Variants in TNFAIP8L1 observed in about 807,000 individuals in gnomAD.
TNFAIP8L1 encodes the protein tumor necrosis factor alpha-induced protein 8-like protein 1.
For synonymous variants in TNFAIP8L1, 127 were observed against 125.6 expected (o/e 1.01, Z -0.08); for missense variants, 225 against 266.1 (o/e 0.85, Z 1.08).
chr19:4,652,203 G>T lies in TNFAIP8L1; in HGVS notation c.334G>T (p.Asp112Tyr), dbSNP rs1414055022. Residue 112 changes from aspartate (D) to tyrosine (Y), a missense_variant, in exon 2 of 2, where the codon GAC becomes TAC. By Grantham distance (160) the Asp-to-Tyr change is radical. Transcript: ENST00000327473. ...CTTCCACCAGGTGGACTTCACCTTC[G>T]ACCGGCGCGTGCTGGCCGCCGGGCT... is the stretch of plus-strand genomic sequence containing the variant. ...VSFHQVDFTFDRRVLAAGLLE... is the reference protein window; with the variant it reads ...VSFHQVDFTFYRRVLAAGLLE... 15 of 1,544,274 alleles carry T rather than the reference G, an allele frequency of 9.7e-6. No individual in the cohort carries two copies. Among genetic ancestry groups the T allele is most frequent in the Non-Finnish European group, 1.2e-5 (14 of 1,146,818 alleles).
At chr19:4,651,570 G>T (rs1339602820) in intron 1 of TNFAIP8L1, among the ~76,000 whole-genome samples, 2 of 151,736 alleles carry the variant, frequency 1.3e-5, no homozygotes, top group Non-Finnish European at 2.9e-5. Flanking sequence ...CCAAGTAGCG[G>T]GGATTGCGGG....
intron 1 of TNFAIP8L1, among the ~76,000 whole-genome samples, chr19:4,651,386 C>T (rs549754331): frequency 5.3e-5 from 8 of 151,628 alleles, no homozygotes; most frequent in Admixed American, 6.6e-5. Context: ...TGTTATGTTG[C>T]CCAGGCTGGT....
intron 1 of TNFAIP8L1, among the ~76,000 whole-genome samples, chr19:4,643,942 C>T (rs962714296): frequency 5.9e-5 from 9 of 151,442 alleles, no homozygotes; most frequent in East Asian, 2.0e-4. Flanking sequence ...TAAAATTGGC[C>T]GTTCACGGTG....
At chr19:4,646,851 C>T (rs985930526) in intron 1 of TNFAIP8L1, among the ~76,000 whole-genome samples, 4 of 152,168 alleles carry the variant, frequency 2.6e-5, no homozygotes, top group African/African-American at 7.2e-5. Flanking sequence ...AGGATGGTCT[C>T]GATCTCCTGA....
chr19:4,643,155 T>C (rs1446025882), intron 1 of TNFAIP8L1, among the ~76,000 whole-genome samples: 3 of 151,738 alleles, frequency 2.0e-5, no homozygotes, highest in Non-Finnish European at 4.4e-5. Context: ...GGCACGTGTC[T>C]GTAATACCAG....
chr19:4,646,791 C>T (rs1208389234), intron 1 of TNFAIP8L1, among the ~76,000 whole-genome samples: 1 of 152,162 alleles, frequency 6.6e-6, no homozygotes, highest in Non-Finnish European at 1.5e-5. Flanking sequence ...CCACCGCGCC[C>T]CGCTAATTTT....
In TNFAIP8L1 at chr19:4,645,354, C is replaced by G. The variant is rs2088300489; in HGVS notation, c.-4+5725C>G. ...CTTGAGGCCGGGAGTTAGAGACCAG[C>G]CTGGCCGACATGGCCAAACCCCGTC... On this transcript the variant is annotated intron_variant, in intron 1 of 1. Transcript: ENST00000327473. The surrounding 1 kb of genome is among the most constrained non-coding windows in gnomAD (Gnocchi z 4.1). Among the ~76,000 whole-genome samples the G allele has an allele frequency of 6.6e-6, 1 of 151,950 alleles. No homozygotes were observed. The highest frequency in any genetic ancestry group is 1.5e-5 in the Non-Finnish European group (1 of 68,002).
At chr19:4,643,065 G>A (rs950535587) in intron 1 of TNFAIP8L1, among the ~76,000 whole-genome samples, 1 of 151,864 alleles carries the variant, frequency 6.6e-6, no homozygotes, top group African/African-American at 2.4e-5. Context: ...GATCACCTGA[G>A]GTCAGGAGTT....
At position 4,654,722 on chromosome 19, in the gene TNFAIP8L1, G is replaced by A. The variant is rs1181598595; in HGVS notation, c.*2292G>A. 6.6e-6 allele frequency: 1 copy of A among 152,230 alleles called. No individual in the cohort carries two copies. The highest frequency in any genetic ancestry group is 1.5e-5 in the Non-Finnish European group (1 of 68,056). 9.4% of individuals were successfully genotyped at this position (152,230 alleles called of 1,614,324 possible). ...AAAGCTTGGCTGTCGTCTTGGCTCT[G>A]GTACCACCCACGAGATGCGGGCGAT... On this transcript the variant is annotated 3_prime_UTR_variant, in exon 2 of 2. Transcript: ENST00000327473.
chr19:4,647,609 C>CTTT (rs57985958), intron 1 of TNFAIP8L1, among the ~76,000 whole-genome samples: 3 of 80,550 alleles, frequency 3.7e-5, no homozygotes, highest in Non-Finnish European at 7.0e-5. Flanking sequence ...GTGCACCTGG[C>CTTT]TTTTTTTTTT....
intron 1 of TNFAIP8L1, among the ~76,000 whole-genome samples, chr19:4,646,290 CTT>C (rs747890576): frequency 7.4e-5 from 10 of 135,410 alleles, no homozygotes; most frequent in Admixed American, 1.5e-4. Context: ...GCCCGGCCGA[CTT>C]TTTTTTTTTT....
chr19:4,643,901 C>T (rs887203090), intron 1 of TNFAIP8L1, among the ~76,000 whole-genome samples: 1 of 151,608 alleles, frequency 6.6e-6, no homozygotes, highest in African/African-American at 2.4e-5. Flanking sequence ...CGCAACAGAG[C>T]GAGACTCCAT....
Position 4,651,978 on chromosome 19 carries a change from G to A in TNFAIP8L1, c.109G>A (p.Glu37Lys), listed in dbSNP as rs536114490. Residue 37 changes from glutamate (E) to lysine (K), a missense_variant, in exon 2 of 2, where the codon GAG (glutamate) becomes AAG (lysine). Coordinates refer to ENST00000327473, the MANE Select transcript of TNFAIP8L1 (RefSeq NM_152362.3). ...VAVLVDDTSS[E>K]VLDELYRATR... ...CGTGCTGGTGGATGACACCAGCAGT[G>A]AGGTGCTGGATGAGCTGTACCGCGC... is the stretch of plus-strand genomic sequence containing the variant. 3 of 1,614,136 alleles carry A rather than the reference G, an allele frequency of 1.9e-6. No homozygotes were observed. Among genetic ancestry groups the A allele is most frequent in the Admixed American group, 1.7e-5 (1 of 60,026 alleles).
chr19:4,641,766 C>G lies in TNFAIP8L1; in HGVS notation c.-4+2137C>G, dbSNP rs1031591532. ...CTAGAAGCTTCCTAAGGCTTCGATC[C>G]TTCCCCTCTGGGGTGGGCTCTGGGA... On this transcript the variant is annotated intron_variant, in intron 1 of 1. Transcript: ENST00000327473. The surrounding 1 kb of genome is among the most constrained non-coding windows in gnomAD (Gnocchi z 4.6). 2 of 152,254 alleles carry G rather than the reference C, an allele frequency of 1.3e-5. No individual in the cohort carries two copies. The highest frequency in any genetic ancestry group is 3.8e-4 in the East Asian group (2 of 5,196). 9.4% of individuals were successfully genotyped at this position (152,254 alleles called of 1,614,324 possible). A position where few individuals can be genotyped will look rare whatever the true frequency, so the allele number is the denominator to read the frequency against.
intron 1 of TNFAIP8L1, among the ~76,000 whole-genome samples, chr19:4,648,100 C>G (rs923348397): frequency 6.6e-6 from 1 of 152,356 alleles, no homozygotes; most frequent in Admixed American, 6.5e-5. Flanking sequence ...GCACAGGTCG[C>G]TGGCTCAGGA....
At position 4,652,397 on chromosome 19, in the gene TNFAIP8L1, C is replaced by T; in HGVS notation, c.528C>T (p.Gly176=). The T allele has an allele frequency of 6.5e-7, 1 of 1,543,448 alleles. No individual in the cohort carries two copies. The highest frequency in any genetic ancestry group is 1.4e-5 in the African/African-American group (1 of 73,070). ...CCCACCTGCGCAGGATCTGCGAGGG[C>T]CTGGGCCGGATGCTGGACGAGGGCA... is the stretch of plus-strand genomic sequence containing the variant. The part of the protein sequence containing the change: ...YRSHLRRICE[G]LGRMLDEGSL Residue 176 remains glycine (G), a synonymous_variant, in exon 2 of 2, where the codon GGC becomes GGT. Transcript: ENST00000327473.
rs2088402964 is a variant in TNFAIP8L1, at chr19:4,654,340, CATTTT to C, written c.*1915_*1919del. On this transcript the variant is annotated 3_prime_UTR_variant, in exon 2 of 2. Transcript: ENST00000327473. ...GGGGGACCCACCTGAGATGTGTGCA[CATTTT>C]ATTTATTTATTGTTTTGAGACAAAG... 1.3e-5 allele frequency: 2 copies of C among 152,196 alleles called. No homozygotes were observed. Among genetic ancestry groups the C allele is most frequent in the African/African-American group, 4.8e-5 (2 of 41,546 alleles). 9.4% of individuals were successfully genotyped at this position (152,196 alleles called of 1,614,324 possible).
chr19:4,642,266 A>G (rs1290076514), intron 1 of TNFAIP8L1: 1 of 152,174 alleles, frequency 6.6e-6, no homozygotes, highest in Admixed American at 6.6e-5. Flanking sequence ...GGATCACCTG[A>G]GGTCAGGAAT....
intron 1 of TNFAIP8L1, among the ~76,000 whole-genome samples, chr19:4,649,891 A>C (rs966409556): frequency 6.6e-6 from 1 of 152,154 alleles, no homozygotes. Context: ...CTTCTCCCGG[A>C]GTCTGAACTC....
Sources: gnomAD v4.1 joint callset for allele counts (sites outside exome capture counted in the v4.1 genomes callset) on GRCh38, gnomAD v4.1.1 for gene constraint, Gnocchi (gnomAD v3.1) non-coding constraint, MANE v1.5 for transcripts, NCBI Gene and HGNC (gene_info 2026-07-23, HGNC 2026-07-21) for gene names.